The following MAPKAP1 variants were observed in gnomAD, a reference collection of about 807,000 sequenced individuals.
The protein encoded by MAPKAP1 is target of rapamycin complex 2 subunit MAPKAP1.
A neutral mutation model predicts 65.7 loss-of-function variants in MAPKAP1; 20 were observed. The ratio of observed to expected loss-of-function variants is 0.30; its 90% CI spans 0.21 to 0.44. The LOEUF (loss-of-function observed/expected upper bound fraction) is 0.44. Ranked by LOEUF, MAPKAP1 falls within the 20% of genes least tolerant of loss-of-function variation. The pLI is 1.00. For synonymous variants in MAPKAP1, 222 were observed against 244.3 expected, an observed-to-expected ratio of 0.91 and a Z score of 0.85; for missense variants, 423 against 648.0, an observed-to-expected ratio of 0.65 and a Z score of 3.77.
chr9:125,642,608 G>A (rs1833610934), intron 4 of MAPKAP1, among the ~76,000 whole-genome samples: 2 of 152,182 alleles, frequency 1.3e-5, no homozygotes, highest in South Asian at 2.1e-4. Flanking sequence ...ACAGTTCTGA[G>A]AAATCTTCAC....
intron 10 of MAPKAP1, among the ~76,000 whole-genome samples, chr9:125,461,077 T>C (rs1853476638): frequency 6.6e-6 from 1 of 152,232 alleles, no homozygotes; most frequent in African/African-American, 2.4e-5. Context: ...TCTGCCAAAC[T>C]GTTCCCTGAA....
At chr9:125,670,135 A>T (rs1453324991) in intron 2 of MAPKAP1, among the ~76,000 whole-genome samples, 2 of 152,196 alleles carry the variant, frequency 1.3e-5, no homozygotes, top group Non-Finnish European at 2.9e-5. Flanking sequence ...TAGAGATCAT[A>T]AAGATAGTAT....
intron 4 of MAPKAP1, among the ~76,000 whole-genome samples, chr9:125,592,266 T>TA (rs1448360421): frequency 1.3e-5 from 2 of 152,152 alleles, no homozygotes; most frequent in Admixed American, 6.5e-5. Flanking sequence ...GAAGGCCTCT[T>TA]AGATATAAAA....
In MAPKAP1 at chr9:125,439,192, C is replaced by T. The variant is rs551439263; in HGVS notation, c.1444-180G>A. ...GCAGCGGCTGGGCCCAGAGCCGCTG[C>T]TCTACGATGGGAAAACAGAGGCTTG... On this transcript the variant is annotated intron_variant, in intron 11 of 11. Coordinates refer to ENST00000265960, the MANE Select transcript of MAPKAP1 (RefSeq NM_001006617.3). This position sits in a 1 kb window ranked among gnomAD's most constrained non-coding sequence, Gnocchi z 4.0. 6.6e-6 allele frequency among the ~76,000 whole-genome samples: 1 copy of T among 152,310 alleles called. No individual in the cohort carries two copies. Among genetic ancestry groups the T allele is most frequent in the East Asian group, 1.9e-4 (1 of 5,172 alleles).
chr9:125,566,408 T>G (rs1831052043), intron 5 of MAPKAP1, among the ~76,000 whole-genome samples: 1 of 151,942 alleles, frequency 6.6e-6, no homozygotes, highest in Non-Finnish European at 1.5e-5. Context: ...CTATAAAAAA[T>G]ACAAAAATTA....
chr9:125,705,484 T>A (rs145687595), intron 1 of MAPKAP1, among the ~76,000 whole-genome samples: 1 of 152,166 alleles, frequency 6.6e-6, no homozygotes, highest in Non-Finnish European at 1.5e-5. Context: ...TCACAAGAAC[T>A]CTCACACAAT....
chr9:125,597,668 A>G lies in MAPKAP1; in HGVS notation c.499-11941T>C, dbSNP rs145934714. Among the ~76,000 whole-genome samples, 642 of 152,352 alleles carry G rather than the reference A, an allele frequency of 4.2e-3. 6 individuals are homozygous for G. Among genetic ancestry groups the G allele is most frequent in the African/African-American group, 0.015 (614 of 41,588 alleles). ...ATTAAAGAGACAAAAAGCAGGCAAC[A>G]TTATTCCATTAGTAACAACTGCACA... On this transcript the variant is annotated intron_variant, in intron 4 of 11. Coordinates refer to ENST00000265960, the MANE Select transcript of MAPKAP1 (RefSeq NM_001006617.3).
At chr9:125,505,202 C>T (rs1019255166) in intron 8 of MAPKAP1, among the ~76,000 whole-genome samples, 3 of 152,130 alleles carry the variant, frequency 2.0e-5, no homozygotes, top group Non-Finnish European at 2.9e-5. Flanking sequence ...GAGGCTGAGG[C>T]GGGCGGATCA....
At chr9:125,542,947 T>C (rs1217412643) in intron 7 of MAPKAP1, 112 bp downstream of exon 7, 2 of 831,568 alleles carry the variant, frequency 2.4e-6, no homozygotes, top group African/African-American at 1.7e-5. Context: ...CCAAACCTTC[T>C]AGCAATGACA....
chr9:125,470,064 A>G (rs1853845166), intron 9 of MAPKAP1, among the ~76,000 whole-genome samples: 2 of 152,202 alleles, frequency 1.3e-5, no homozygotes, highest in African/African-American at 4.8e-5. Context: ...CTCAGAAAGA[A>G]TGGGGAAAAA....
intron 9 of MAPKAP1, among the ~76,000 whole-genome samples, chr9:125,479,886 C>T (rs1854245213): frequency 6.6e-6 from 1 of 152,236 alleles, no homozygotes; most frequent in Non-Finnish European, 1.5e-5. Context: ...AGTGAAATCT[C>T]TGTTCTGATT....
At chr9:125,467,397 A>G (rs1222294787) in intron 10 of MAPKAP1, among the ~76,000 whole-genome samples, 1 of 152,264 alleles carries the variant, frequency 6.6e-6, no homozygotes, top group Admixed American at 6.5e-5. Flanking sequence ...CTACTTTGAT[A>G]ATTTAAGCGG....
chr9:125,661,885 T>C (rs1245049412), intron 3 of MAPKAP1, among the ~76,000 whole-genome samples: 1 of 151,990 alleles, frequency 6.6e-6, no homozygotes, highest in Non-Finnish European at 1.5e-5. Context: ...AATAACTTTG[T>C]TACCCAGCAA....
intron 4 of MAPKAP1, among the ~76,000 whole-genome samples, chr9:125,621,020 C>T (rs941594474): frequency 4.6e-5 from 7 of 151,954 alleles, no homozygotes; most frequent in Admixed American, 2.0e-4. Context: ...GCCTTTAATC[C>T]CAGTACTTTG....
At chr9:125,577,462 G>C (rs1376250802) in intron 5 of MAPKAP1, among the ~76,000 whole-genome samples, 1 of 144,428 alleles carries the variant, frequency 6.9e-6, no homozygotes, top group Non-Finnish European at 1.5e-5. Flanking sequence ...CGCCCAGCCA[G>C]CCGCCCCGTC....
At chr9:125,527,999 C>T (rs773444746) in intron 7 of MAPKAP1, among the ~76,000 whole-genome samples, 27 of 152,290 alleles carry the variant, frequency 1.8e-4, no homozygotes, top group African/African-American at 5.1e-4. Flanking sequence ...CACGTGGCTA[C>T]GAGCTGTGGA....
At chr9:125,618,412 T>G (rs926635201) in intron 4 of MAPKAP1, among the ~76,000 whole-genome samples, 1 of 144,350 alleles carries the variant, frequency 6.9e-6, no homozygotes, top group Non-Finnish European at 1.5e-5. Context: ...TTACCCATTA[T>G]GGGACTACAA....
At chr9:125,613,732 C>G (rs1483035190) in intron 4 of MAPKAP1, among the ~76,000 whole-genome samples, 2 of 152,148 alleles carry the variant, frequency 1.3e-5, no homozygotes, top group Admixed American at 6.5e-5. Flanking sequence ...CAGGTTCCGC[C>G]AAACATTCAA....
At chr9:125,507,940 C>T (rs1024839645) in intron 7 of MAPKAP1, among the ~76,000 whole-genome samples, 3 of 152,042 alleles carry the variant, frequency 2.0e-5, no homozygotes, top group Non-Finnish European at 2.9e-5. Context: ...CCCAGCACTT[C>T]GGGGGGACCA....
Sources: gnomAD v4.1 joint callset for allele counts (sites outside exome capture counted in the v4.1 genomes callset) on GRCh38, gnomAD v4.1.1 for gene constraint, Gnocchi (gnomAD v3.1) non-coding constraint, MANE v1.5 for transcripts, NCBI Gene and HGNC (gene_info 2026-07-23, HGNC 2026-07-21) for gene names.